Variants in TMEM132B observed in about 807,000 individuals in gnomAD.
The protein encoded by TMEM132B is transmembrane protein 132B.
Under a neutral mutation model 90.8 loss-of-function variants are expected in TMEM132B, and 18 were observed. The ratio of observed to expected loss-of-function variants is 0.20; its 90% CI spans 0.14 to 0.29. The LOEUF (loss-of-function observed/expected upper bound fraction) is 0.29. Among genes scored for constraint, TMEM132B ranks in the 10% least tolerant of loss-of-function variants. TMEM132B has a pLI of 1.00. For missense variants in TMEM132B, 1,096 were observed against 1,326.8 expected, an observed-to-expected ratio of 0.83 and a Z score of 2.70; for synonymous variants, 504 against 523.3, an observed-to-expected ratio of 0.96 and a Z score of 0.50.
chr12:125,603,392 A>G (rs1334260442), intron 5 of TMEM132B, among the ~76,000 whole-genome samples: 1 of 152,222 alleles, frequency 6.6e-6, no homozygotes, highest in Non-Finnish European at 1.5e-5. Context: ...AAAACTGGCT[A>G]GCCATATGCA....
At chr12:125,315,957 C>T (rs1293056296) in intron 1 of TMEM132B, among the ~76,000 whole-genome samples, 3 of 152,184 alleles carry the variant, frequency 2.0e-5, no homozygotes, top group East Asian at 1.9e-4. Flanking sequence ...CTGGATGTTG[C>T]AGAAATGGAA....
At chr12:125,288,179 C>G (rs1302147597) in intron 1 of TMEM132B, among the ~76,000 whole-genome samples, 1 of 151,286 alleles carries the variant, frequency 6.6e-6, no homozygotes, top group African/African-American at 2.4e-5. Context: ...CGGCCTCTTT[C>G]TGTTTTAAAG....
intron 7 of TMEM132B, 64 bp from the exon 8 acceptor site, chr12:125,652,377 A>G (rs1208628841): frequency 1.4e-6 from 2 of 1,454,666 alleles, no homozygotes; most frequent in Non-Finnish European, 1.8e-6. Flanking sequence ...TGGGAGCCCC[A>G]GTTAAGGGAT....
chr12:125,486,235 G>A (rs553310915), intron 3 of TMEM132B, among the ~76,000 whole-genome samples: 2 of 152,280 alleles, frequency 1.3e-5, no homozygotes, highest in South Asian at 4.2e-4. Flanking sequence ...ATAAAGGCTG[G>A]CATGATCTCT....
intron 3 of TMEM132B, among the ~76,000 whole-genome samples, chr12:125,421,546 A>G (rs1666815): frequency 0.04 from 6,148 of 152,282 alleles, 424 homozygotes; most frequent in African/African-American, 0.14. Flanking sequence ...CTCACAACAC[A>G]TGGGAATTAT....
chr12:125,414,801 G>C (rs190923782), intron 2 of TMEM132B, among the ~76,000 whole-genome samples: 1 of 152,192 alleles, frequency 6.6e-6, no homozygotes. Flanking sequence ...GATGTTGTCC[G>C]TGGACTCCCC....
At chr12:125,190,645 GGTGGCGA>G (rs1565971375) in intron 1 of TMEM132B, among the ~76,000 whole-genome samples, 2 of 75,170 alleles carry the variant, frequency 2.7e-5, no homozygotes, top group Non-Finnish European at 5.6e-5. Flanking sequence ...ATGGGGAAGG[GGTGGCGA>G]TGGTGATGGG....
intron 5 of TMEM132B, among the ~76,000 whole-genome samples, chr12:125,632,153 A>G (rs1008233574): frequency 6.6e-6 from 1 of 151,794 alleles, no homozygotes; most frequent in Admixed American, 6.6e-5. Context: ...TGTTTGTTAC[A>G]TGTTTTTTAG....
At chr12:125,226,915 C>T (rs1873693164) in intron 1 of TMEM132B, among the ~76,000 whole-genome samples, 1 of 152,150 alleles carries the variant, frequency 6.6e-6, no homozygotes, top group Admixed American at 6.5e-5. Flanking sequence ...TTTCTAGGCC[C>T]TTGGGGACTG....
rs563086960 is a variant in TMEM132B, at chr12:125,205,955, A to T, written c.67+19089A>T. On this transcript the variant is annotated intron_variant, in intron 1 of 8. Transcript: ENST00000682704. ...GACCCTCAGTAAGGGTTAATCATTAAGTCACCGAAAATGCCTCTAACCCTC... is the reference window on the plus strand; with the variant it reads ...GACCCTCAGTAAGGGTTAATCATTATGTCACCGAAAATGCCTCTAACCCTC... Among the ~76,000 whole-genome samples the T allele has an allele frequency of 2.0e-5, 3 of 152,174 alleles. No homozygotes were observed. In the East Asian group the frequency reaches 5.8e-4, roughly 29 times the overall value.
At chr12:125,325,749 G>T (rs7966552) in intron 1 of TMEM132B, among the ~76,000 whole-genome samples, 2 of 149,392 alleles carry the variant, frequency 1.3e-5, no homozygotes, top group African/African-American at 2.5e-5. Context: ...TTTTGTTGTC[G>T]TTGTTGTTGT....
At chr12:125,626,981 C>CT (rs1434842942) in intron 5 of TMEM132B, among the ~76,000 whole-genome samples, 2 of 152,100 alleles carry the variant, frequency 1.3e-5, no homozygotes, top group Non-Finnish European at 2.9e-5. Flanking sequence ...TTTTCCTTTT[C>CT]TTTGTCACTC....
At chr12:125,286,765 A>G (rs1875368213) in intron 1 of TMEM132B, among the ~76,000 whole-genome samples, 1 of 151,516 alleles carries the variant, frequency 6.6e-6, no homozygotes, top group Non-Finnish European at 1.5e-5. Flanking sequence ...GTGCAGTGGG[A>G]CAATCTTGGC....
intron 5 of TMEM132B, among the ~76,000 whole-genome samples, chr12:125,639,725 C>T (rs1886580412): frequency 6.6e-6 from 1 of 152,178 alleles, no homozygotes; most frequent in Admixed American, 6.5e-5. Context: ...TCAGTGTACA[C>T]AGTAGCACAC....
intron 3 of TMEM132B, among the ~76,000 whole-genome samples, chr12:125,446,642 G>A (rs1471802897): frequency 6.6e-6 from 1 of 152,082 alleles, no homozygotes; most frequent in African/African-American, 2.4e-5. Flanking sequence ...GAATAATAAA[G>A]CTTTTAGGGC....
rs144696248 is a variant in TMEM132B, at chr12:125,385,030, C to T, written c.960-30501C>T. Among the ~76,000 whole-genome samples the T allele has an allele frequency of 5.5e-3, 844 of 152,328 alleles. 4 individuals carry two copies. The highest frequency in any genetic ancestry group is 8.0e-3 in the Admixed American group (123 of 15,294). ...AGACCCTGATAACCATCATTCTACT[C>T]CCTACTTCTATGAATTCAACTTTGT... On this transcript the variant is annotated intron_variant, in intron 2 of 8. Coordinates refer to ENST00000682704, the MANE Select transcript of TMEM132B (RefSeq NM_001366854.1).
intron 3 of TMEM132B, among the ~76,000 whole-genome samples, chr12:125,432,977 G>C (rs1254603794): frequency 6.6e-6 from 1 of 152,146 alleles, no homozygotes; most frequent in Non-Finnish European, 1.5e-5. Flanking sequence ...ATGCCAATTT[G>C]GCCAAGAAAA....
intron 2 of TMEM132B, among the ~76,000 whole-genome samples, chr12:125,404,611 T>A (rs530604310): frequency 6.6e-6 from 1 of 152,318 alleles, no homozygotes; most frequent in Admixed American, 6.5e-5. Context: ...CACTTAATCT[T>A]CATAATAGCA....
At chr12:125,575,553 G>A (rs1159321572) in intron 4 of TMEM132B, among the ~76,000 whole-genome samples, 1 of 151,436 alleles carries the variant, frequency 6.6e-6, no homozygotes, top group East Asian at 1.9e-4. Context: ...AAGCACAAAT[G>A]TTTTTAATTT....
Sources: allele counts gnomAD v4.1 joint callset (sites outside exome capture counted in the v4.1 genomes callset), GRCh38; gene constraint gnomAD v4.1.1; transcripts MANE v1.5; gene names NCBI Gene and HGNC (gene_info 2026-07-23, HGNC 2026-07-21).